The following WWOX variants were observed in gnomAD, a reference collection of about 807,000 sequenced individuals.
WWOX encodes WW domain containing oxidoreductase.
Under a neutral mutation model 46.2 loss-of-function variants are expected in WWOX, and 69 were observed. The ratio of observed to expected loss-of-function variants is 1.49; its 90% confidence interval spans 1.23 to 1.82. WWOX has a LOEUF of 1.82. WWOX is among the 40% of genes most tolerant of loss of function. WWOX has a pLI of 0.00. For missense variants in WWOX, 919 were observed against 542.6 expected, an observed-to-expected ratio of 1.69 and a Z score of -6.89; for synonymous variants, 359 against 202.6, an observed-to-expected ratio of 1.77 and a Z score of -6.56.
At chr16:78,572,467 G>A (rs536435407) in intron 8 of WWOX, among the ~76,000 whole-genome samples, 1 of 151,980 alleles carries the variant, frequency 6.6e-6, no homozygotes, top group East Asian at 1.9e-4. Flanking sequence ...GGTATCATGT[G>A]TCTGTGGTCT....
chr16:79,176,497 G>C (rs774915840), intron 8 of WWOX, among the ~76,000 whole-genome samples: 25 of 152,164 alleles, frequency 1.6e-4, no homozygotes, highest in Non-Finnish European at 2.9e-4. Context: ...AGCTACTTGA[G>C]GATACACACA....
At chr16:78,983,743 A>G (rs1347428001) in intron 8 of WWOX, among the ~76,000 whole-genome samples, 1 of 152,174 alleles carries the variant, frequency 6.6e-6, no homozygotes, top group Non-Finnish European at 1.5e-5. Context: ...TTCAGGAGTG[A>G]GAGATAAACT....
rs1460894493 is a variant in WWOX at position 78,261,798 on chromosome 16, A to C, written c.516+97509A>C. 2.4e-3 allele frequency among the ~76,000 whole-genome samples: 231 copies of C among 97,622 alleles called. 2 individuals are homozygous for C. Among genetic ancestry groups the C allele is most frequent in the Middle Eastern group, 0.012 (2 of 164 alleles). 64.0% of individuals were successfully genotyped at this position (97,622 alleles called of 152,430 possible). A position where few individuals can be genotyped will look rare whatever the true frequency, so the allele number is the denominator to read the frequency against. ...TATCTATCTATCTATCTATATATATATATATATATATATATATATACTTAT... is the reference window on the plus strand; with the variant it reads ...TATCTATCTATCTATCTATATATATCTATATATATATATATATATACTTAT... On this transcript the variant is annotated intron_variant, in intron 5 of 8. Coordinates refer to ENST00000566780, the MANE Select transcript of WWOX (RefSeq NM_016373.4).
intron 8 of WWOX, among the ~76,000 whole-genome samples, chr16:79,140,582 C>G (rs1013730335): frequency 3.3e-5 from 5 of 152,146 alleles, no homozygotes; most frequent in African/African-American, 1.2e-4. Context: ...CAGCATTGAC[C>G]GCATGAAGGG....
chr16:78,835,216 C>G (rs1308309291), intron 8 of WWOX, among the ~76,000 whole-genome samples: 1 of 152,098 alleles, frequency 6.6e-6, no homozygotes, highest in East Asian at 1.9e-4. Flanking sequence ...TTCTTACCAC[C>G]TAGAAAACAA....
At chr16:78,763,270 G>A (rs915862338) in intron 8 of WWOX, among the ~76,000 whole-genome samples, 1 of 152,152 alleles carries the variant, frequency 6.6e-6, no homozygotes, top group African/African-American at 2.4e-5. Context: ...GCAAATTTTG[G>A]TATGTTGTAT....
At chr16:78,297,780 C>T (rs1455150151) in intron 5 of WWOX, among the ~76,000 whole-genome samples, 1 of 152,036 alleles carries the variant, frequency 6.6e-6, no homozygotes, top group African/African-American at 2.4e-5. Flanking sequence ...CTAGTATGGG[C>T]AATAAAACCC....
chr16:78,783,123 A>C (rs2050371596), intron 8 of WWOX, among the ~76,000 whole-genome samples: 1 of 152,262 alleles, frequency 6.6e-6, no homozygotes, highest in Non-Finnish European at 1.5e-5. Flanking sequence ...TTATCAGGAA[A>C]AACCAAAACA....
chr16:78,652,152 C>G (rs1010846477), intron 8 of WWOX, among the ~76,000 whole-genome samples: 1 of 152,008 alleles, frequency 6.6e-6, no homozygotes, highest in East Asian at 1.9e-4. Flanking sequence ...TGGCTCACAC[C>G]TGTAATCCCA....
chr16:79,202,990 TTTTG>T (rs1271563948), intron 8 of WWOX: 3 of 152,342 alleles, frequency 2.0e-5, no homozygotes, highest in East Asian at 1.9e-4. Flanking sequence ...CAAGGTTAAT[TTTTG>T]TTTGTTTCTA....
chr16:79,179,737 G>C (rs2050872488), intron 8 of WWOX, among the ~76,000 whole-genome samples: 1 of 152,200 alleles, frequency 6.6e-6, no homozygotes, highest in African/African-American at 2.4e-5. Context: ...TCCAGTAGAT[G>C]TTTGAATGGG....
intron 8 of WWOX, among the ~76,000 whole-genome samples, chr16:78,637,590 C>T (rs1254111339): frequency 6.6e-6 from 1 of 152,200 alleles, no homozygotes; most frequent in Non-Finnish European, 1.5e-5. Flanking sequence ...CATCCCCTTT[C>T]CTTACTCACT....
rs868184314 is a variant in WWOX at position 78,902,418 on chromosome 16, A to C, written c.1057-309190A>C. On this transcript the variant is annotated intron_variant, in intron 8 of 8. Coordinates refer to ENST00000566780, the MANE Select transcript of WWOX (RefSeq NM_016373.4). The stretch of plus-strand genomic sequence containing the variant: ...GACGGTGACTTTTTCTCTTGTATCC[A>C]GCAGCGCCACGCGGGGCGGGCGGGA... Among the ~76,000 whole-genome samples, 49 of 152,354 alleles carry C rather than the reference A, an allele frequency of 3.2e-4. 1 individual carries two copies. In the Middle Eastern group the frequency reaches 0.01, roughly 32 times the overall value.
chr16:78,848,801 TTTTTTTTTAACCTCCTCTGAGA>T (rs1268493827), intron 8 of WWOX, among the ~76,000 whole-genome samples: 3 of 151,770 alleles, frequency 2.0e-5, no homozygotes, highest in East Asian at 2.0e-4. Flanking sequence ...AGAGACCTTT[TTTTTTTTTAACCTCCTCTGAGA>T]TTTTTTTTAA....
At chr16:78,194,954 G>T (rs562327543) in intron 5 of WWOX, among the ~76,000 whole-genome samples, 37 of 152,198 alleles carry the variant, frequency 2.4e-4, no homozygotes, top group African/African-American at 8.7e-4. Context: ...TGTGTGACGC[G>T]ATAGCAGGTC....
intron 5 of WWOX, among the ~76,000 whole-genome samples, chr16:78,334,923 T>TA (rs1555521541): frequency 0.12 from 16,539 of 138,068 alleles, 1,079 homozygotes; most frequent in Non-Finnish European, 0.13. Flanking sequence ...CCATCTTTTT[T>TA]TAAAAAAAAA....
chr16:78,691,628 A>C (rs2097821487), intron 8 of WWOX, among the ~76,000 whole-genome samples: 1 of 152,144 alleles, frequency 6.6e-6, no homozygotes, highest in Non-Finnish European at 1.5e-5. Context: ...AAATTGTTTG[A>C]GCCTAGGAGG....
chr16:78,765,315 A>T (rs1361379489), intron 8 of WWOX, among the ~76,000 whole-genome samples: 1 of 152,244 alleles, frequency 6.6e-6, no homozygotes, highest in East Asian at 1.9e-4. Context: ...CTTCTGGTAG[A>T]GGCGTTGAAC....
intron 6 of WWOX, among the ~76,000 whole-genome samples, chr16:78,412,737 G>T (rs533662980): frequency 6.6e-6 from 1 of 152,164 alleles, no homozygotes; most frequent in Non-Finnish European, 1.5e-5. Context: ...TCCTCGCCAG[G>T]CAGTTTTGAG....
Sources: allele counts gnomAD v4.1 joint callset (sites outside exome capture counted in the v4.1 genomes callset), GRCh38; gene constraint gnomAD v4.1.1; transcripts MANE v1.5; gene names NCBI Gene and HGNC (gene_info 2026-07-23, HGNC 2026-07-21).